Variants in CNTN4 observed in about 807,000 individuals in gnomAD.
The protein encoded by CNTN4 is contactin 4, also known as contactin-4.
A neutral mutation model predicts 122.5 loss-of-function variants in CNTN4; 77 were observed. The ratio of observed to expected loss-of-function variants is 0.63; its 90% CI spans 0.52 to 0.76. CNTN4 has a LOEUF of 0.76. Among genes scored for constraint, CNTN4 ranks in the 30% least tolerant of loss-of-function variants. The probability of loss-of-function intolerance (pLI) is 0.00; values close to 1 mark genes in which losing one functional copy is unlikely to be tolerated. For missense variants in CNTN4, 1,256 were observed against 1,259.1 expected, an observed-to-expected ratio of 1.00 and a Z score of 0.04; for synonymous variants, 512 against 447.0, an observed-to-expected ratio of 1.15 and a Z score of -1.83.
intron 6 of CNTN4, among the ~76,000 whole-genome samples, chr3:2,756,102 A>G (rs182307710): frequency 1.3e-5 from 2 of 152,160 alleles, no homozygotes; most frequent in Non-Finnish European, 2.9e-5. Flanking sequence ...TTCTTCAAGA[A>G]TTTTCATTTG....
At chr3:2,847,612 A>G (rs959904859) in intron 7 of CNTN4, among the ~76,000 whole-genome samples, 2 of 152,152 alleles carry the variant, frequency 1.3e-5, no homozygotes, top group African/African-American at 4.8e-5. Flanking sequence ...TAACCAGGCA[A>G]TTTGTGGTTT....
At chr3:2,384,140 C>T (rs9830036) in intron 3 of CNTN4, among the ~76,000 whole-genome samples, 91,046 of 151,632 alleles carry the variant, frequency 0.6, 27,837 homozygotes, top group East Asian at 0.75. Flanking sequence ...ATTGAGCTTA[C>T]AGCATGTAGC....
chr3:2,719,452 G>T (rs925462773), intron 4 of CNTN4, among the ~76,000 whole-genome samples: 7 of 152,062 alleles, frequency 4.6e-5, no homozygotes, highest in Admixed American at 6.6e-5. Context: ...GCACCACCAT[G>T]CCCAGCTGAT....
intron 1 of CNTN4, among the ~76,000 whole-genome samples, chr3:2,100,023 C>A (rs965296285): frequency 1.3e-5 from 2 of 152,208 alleles, no homozygotes; most frequent in African/African-American, 2.4e-5. Context: ...CTTCGCGCGT[C>A]GGGAAGATCA....
chr3:2,700,098 A>G (rs2149252965), intron 4 of CNTN4, among the ~76,000 whole-genome samples: 1 of 152,272 alleles, frequency 6.6e-6, no homozygotes, highest in South Asian at 2.1e-4. Context: ...CAGAGAAATT[A>G]CACAGCAAGC....
chr3:2,867,423 T>C (rs928750969), intron 8 of CNTN4, among the ~76,000 whole-genome samples: 1 of 152,124 alleles, frequency 6.6e-6, no homozygotes, highest in Non-Finnish European at 1.5e-5. Flanking sequence ...AAATTTTAAT[T>C]CCCCACACTA....
intron 3 of CNTN4, among the ~76,000 whole-genome samples, chr3:2,418,854 G>A (rs1240403003): frequency 6.6e-6 from 1 of 152,110 alleles, no homozygotes; most frequent in Non-Finnish European, 1.5e-5. Context: ...CATGATATTT[G>A]TATTTAGATG....
At chr3:3,024,116 G>A (rs921203707) in intron 14 of CNTN4, among the ~76,000 whole-genome samples, 1 of 152,034 alleles carries the variant, frequency 6.6e-6, no homozygotes, top group African/African-American at 2.4e-5. Flanking sequence ...CACAATCCAT[G>A]CTTGGCGGAT....
intron 3 of CNTN4, among the ~76,000 whole-genome samples, chr3:2,535,476 A>T (rs1319051371): frequency 2.6e-5 from 4 of 152,164 alleles, no homozygotes; most frequent in Admixed American, 2.0e-4. Flanking sequence ...TTCAACCATC[A>T]TGTGAGGTAG....
At chr3:2,627,207 T>A (rs1362221736) in intron 4 of CNTN4, among the ~76,000 whole-genome samples, 2 of 152,184 alleles carry the variant, frequency 1.3e-5, no homozygotes, top group Non-Finnish European at 2.9e-5. Context: ...ACTATGTATG[T>A]TGCATCTTTG....
chr3:2,787,436 A>G (rs1576793912), intron 6 of CNTN4, among the ~76,000 whole-genome samples: 1 of 152,228 alleles, frequency 6.6e-6, no homozygotes, highest in Non-Finnish European at 1.5e-5. Context: ...AAATTAGTTT[A>G]CCACTTAAGG....
intron 3 of CNTN4, among the ~76,000 whole-genome samples, chr3:2,509,373 A>G (rs1273171632): frequency 1.3e-5 from 2 of 152,260 alleles, no homozygotes; most frequent in East Asian, 3.8e-4. Context: ...GAAGAAAAAA[A>G]GAAACTGGTT....
At chr3:2,312,044 C>G (rs1034182906) in intron 2 of CNTN4, among the ~76,000 whole-genome samples, 1 of 151,420 alleles carries the variant, frequency 6.6e-6, no homozygotes, top group African/African-American at 2.4e-5. Context: ...TACGATAAAA[C>G]TTTTTTTTAA....
intron 3 of CNTN4, among the ~76,000 whole-genome samples, chr3:2,381,595 T>C (rs2046025130): frequency 6.6e-6 from 1 of 152,206 alleles, no homozygotes. Context: ...TGGCACATAA[T>C]GCATGGTAGT....
At chr3:2,279,774 CATATATCT>C (rs2041648576) in intron 2 of CNTN4, among the ~76,000 whole-genome samples, 2 of 151,368 alleles carry the variant, frequency 1.3e-5, no homozygotes, top group Non-Finnish European at 2.9e-5. Flanking sequence ...ATTATATCTA[CATATATCT>C]ATATATATAT....
intron 3 of CNTN4, among the ~76,000 whole-genome samples, chr3:2,510,779 G>T (rs1256916862): frequency 2.0e-5 from 3 of 152,078 alleles, no homozygotes; most frequent in Non-Finnish European, 4.4e-5. Context: ...GCCAGACCAA[G>T]CATGTCCACA....
At chr3:2,378,734 TC>T (rs1235649081) in intron 3 of CNTN4, among the ~76,000 whole-genome samples, 3 of 148,772 alleles carry the variant, frequency 2.0e-5, no homozygotes, top group Admixed American at 2.0e-4. Flanking sequence ...CAAGCTTAGC[TC>T]CTTTTTTTTT....
intron 2 of CNTN4, among the ~76,000 whole-genome samples, chr3:2,120,058 C>T (rs901427551): frequency 3.3e-5 from 5 of 151,594 alleles, no homozygotes; most frequent in African/African-American, 1.2e-4. Context: ...TTCCAGGCAA[C>T]GAAGACAGCA....
intron 3 of CNTN4, among the ~76,000 whole-genome samples, chr3:2,464,249 C>A (rs9853721): frequency 6.6e-6 from 1 of 152,264 alleles, no homozygotes; most frequent in South Asian, 2.1e-4. Context: ...ATTTGATGAA[C>A]ATTCCGTATT....
Sources: gnomAD v4.1 joint callset for allele counts (sites outside exome capture counted in the v4.1 genomes callset) on GRCh38, gnomAD v4.1.1 for gene constraint, MANE v1.5 for transcripts, NCBI Gene and HGNC (gene_info 2026-07-23, HGNC 2026-07-21) for gene names.